Variants in RFTN1 observed in about 807,000 individuals in gnomAD.
RFTN1 encodes raftlin.
In RFTN1, 26 loss-of-function variants were observed where a neutral mutation model predicts 46.5. The observed-to-expected ratio is 0.56, with a 90% CI of 0.41 to 0.78. RFTN1 has a LOEUF of 0.78. RFTN1 is among the 30% of genes least tolerant of loss of function. The pLI is 0.00. For missense variants in RFTN1, 693 were observed against 718.7 expected (o/e 0.96, Z 0.41); for synonymous variants, 261 against 284.2 (o/e 0.92, Z 0.82).
intron 7 of RFTN1, chr3:16,349,159 T>A (rs747621526): frequency 1.3e-5 from 2 of 152,236 alleles, no homozygotes; most frequent in Admixed American, 6.5e-5. Context: ...AGCTTTTCTC[T>A]GTGACGTTCC....
At chr3:16,390,320 C>G (rs2074315157) in intron 4 of RFTN1, among the ~76,000 whole-genome samples, 1 of 152,174 alleles carries the variant, frequency 6.6e-6, no homozygotes, top group Non-Finnish European at 1.5e-5. Context: ...GTTAGCAGCA[C>G]ACTCAAATAT....
chr3:16,364,884 C>G (rs11709091), intron 6 of RFTN1, among the ~76,000 whole-genome samples: 6,392 of 152,026 alleles, frequency 0.042, 442 homozygotes, highest in African/African-American at 0.15. Context: ...ATAGAAACAG[C>G]GTGGGGCACG....
rs77649264 is a variant in RFTN1 at position 16,329,415 on chromosome 3, A to G, written c.1147-2539T>C. ...GGAGGGAAGGGAGGAAAGGAGAGAG[A>G]GGTACAAGAATAATCCGTTTACAGG... On this transcript the variant is annotated intron_variant, in intron 7 of 9. Coordinates refer to ENST00000334133, the MANE Select transcript of RFTN1 (RefSeq NM_015150.2). This position sits in a 1 kb window ranked among gnomAD's most constrained non-coding sequence, Gnocchi z 4.5. Among the ~76,000 whole-genome samples, 517 of 152,302 alleles carry G rather than the reference A, an allele frequency of 3.4e-3. 4 individuals are homozygous for G. Among genetic ancestry groups the G allele is most frequent in the African/African-American group, 0.012 (497 of 41,564 alleles).
At position 16,351,880 on chromosome 3, in the gene RFTN1, A is replaced by G. The variant is rs914630561; in HGVS notation, c.1146+6052T>C. Reference sequence around the variant, plus strand: ...GTTGGGTGAGGGGACTAGAAAGACTAGAAAAAAAAATCATGAAAACATGGA... The same window carrying G: ...GTTGGGTGAGGGGACTAGAAAGACTGGAAAAAAAAATCATGAAAACATGGA... On this transcript the variant is annotated intron_variant, in intron 7 of 9. Transcript: ENST00000334133. This position sits in a 1 kb window ranked among gnomAD's most constrained non-coding sequence, Gnocchi z 5.4. 1.3e-5 allele frequency among the ~76,000 whole-genome samples: 2 copies of G among 151,380 alleles called. No homozygotes were observed. Among genetic ancestry groups the G allele is most frequent in the South Asian group, 2.1e-4 (1 of 4,824 alleles).
At position 16,400,177 on chromosome 3, in the gene RFTN1, TCCAGCCTCACTCC is replaced by T. The variant is rs1156412510; in HGVS notation, c.441+9185_441+9197del. Reference sequence around the variant, plus strand: ...GGCTGTATGGGGACCCGACTCACTCTCCAGCCTCACTCCACCTCACTCACCCCTCTGTCATTTG... The same window carrying T: ...GGCTGTATGGGGACCCGACTCACTCTACCTCACTCACCCCTCTGTCATTTG... On this transcript the variant is annotated intron_variant, in intron 4 of 9. Coordinates refer to ENST00000334133, the MANE Select transcript of RFTN1 (RefSeq NM_015150.2). This position sits in a 1 kb window ranked among gnomAD's most constrained non-coding sequence, Gnocchi z 4.5. Among the ~76,000 whole-genome samples the T allele has an allele frequency of 1.3e-5, 2 of 152,138 alleles. No homozygotes were observed. The highest frequency in any genetic ancestry group is 2.9e-5 in the Non-Finnish European group (2 of 68,014).
chr3:16,461,518 A>T (rs2076007936), intron 2 of RFTN1, among the ~76,000 whole-genome samples: 1 of 152,214 alleles, frequency 6.6e-6, no homozygotes, highest in Non-Finnish European at 1.5e-5. Flanking sequence ...AATTGAACAC[A>T]CTATCACACT....
chr3:16,430,764 A>C, intron 3 of RFTN1, among the ~76,000 whole-genome samples: 1 of 152,206 alleles, frequency 6.6e-6, no homozygotes, highest in Non-Finnish European at 1.5e-5. Flanking sequence ...TCAGGCAGGC[A>C]GTTCAGGAAC....
chr3:16,362,810 G>A (rs770162487), intron 6 of RFTN1, among the ~76,000 whole-genome samples: 3 of 152,166 alleles, frequency 2.0e-5, no homozygotes, highest in Admixed American at 6.5e-5. Context: ...CCCATGGCGA[G>A]CATGGCAGAG....
chr3:16,459,326 A>G lies in RFTN1; in HGVS notation c.146-25289T>C, dbSNP rs1240746665. ...AACAGACACCTAAACTCTTACATGAAGAGTTATGTGCCCTAGTAGAAAACT... is the reference window on the plus strand; with the variant it reads ...AACAGACACCTAAACTCTTACATGAGGAGTTATGTGCCCTAGTAGAAAACT... On this transcript the variant is annotated intron_variant, in intron 2 of 9. Transcript: ENST00000334133. This position sits in a 1 kb window ranked among gnomAD's most constrained non-coding sequence, Gnocchi z 4.2. 6.6e-6 allele frequency among the ~76,000 whole-genome samples: 1 copy of G among 152,236 alleles called. No individual in the cohort carries two copies. The highest frequency in any genetic ancestry group is 1.5e-5 in the Non-Finnish European group (1 of 68,048).
At chr3:16,331,361 T>C (rs1290017836) in intron 7 of RFTN1, among the ~76,000 whole-genome samples, 1 of 152,264 alleles carries the variant, frequency 6.6e-6, no homozygotes, top group African/African-American at 2.4e-5. Flanking sequence ...ACATTTCTTA[T>C]TTCCTTTTTC....
At position 16,442,973 on chromosome 3, in the gene RFTN1, A is replaced by G. The variant is rs1434702921; in HGVS notation, c.146-8936T>C. ...ATATATACCATAGTTTATTTATCCA[A>G]TCATCTATTGATGGACATGTAGGTT... On this transcript the variant is annotated intron_variant, in intron 2 of 9. Transcript: ENST00000334133. This position sits in a 1 kb window ranked among gnomAD's most constrained non-coding sequence, Gnocchi z 4.1. 6.6e-6 allele frequency among the ~76,000 whole-genome samples: 1 copy of G among 152,200 alleles called. No homozygotes were observed. The highest frequency in any genetic ancestry group is 1.5e-5 in the Non-Finnish European group (1 of 68,038).
At position 16,387,606 on chromosome 3, in the gene RFTN1, C is replaced by CTCTT. The variant is rs2074229970; in HGVS notation, c.442-9505_442-9504insAAGA. Among the ~76,000 whole-genome samples, 1 of 132,970 alleles carries CTCTT rather than the reference C, an allele frequency of 7.5e-6. No individual in the cohort carries two copies. The highest frequency in any genetic ancestry group is 1.6e-5 in the Non-Finnish European group (1 of 62,504). The allele number at this position is 132,970 out of a possible 152,430, so 87.2% of individuals were successfully genotyped here. A position where few individuals can be genotyped will look rare whatever the true frequency, so the allele number is the denominator to read the frequency against. ...TCTCTCTCTCTCTCTCTCTCTCTCT[C>CTCTT]TCTCTACTGGCTCCTTCCACTCAGC... On this transcript the variant is annotated intron_variant, in intron 4 of 9. Coordinates refer to ENST00000334133, the MANE Select transcript of RFTN1 (RefSeq NM_015150.2). This position sits in a 1 kb window ranked among gnomAD's most constrained non-coding sequence, Gnocchi z 5.2.
rs2075291332 is a variant in RFTN1 at position 16,426,405 on chromosome 3, A to T, written c.332+7446T>A. On this transcript the variant is annotated intron_variant, in intron 3 of 9. Transcript: ENST00000334133. The surrounding 1 kb of genome is among the most constrained non-coding windows in gnomAD (Gnocchi z 5.9). ...ACTTTCGACTGTAATTTTTTAAAGG[A>T]TTTTCTTTTTAGTTTCAGTATAATT... Among the ~76,000 whole-genome samples, 1 of 151,944 alleles carries T rather than the reference A, an allele frequency of 6.6e-6. No individual in the cohort carries two copies. Among genetic ancestry groups the T allele is most frequent in the South Asian group, 2.1e-4 (1 of 4,818 alleles).
chr3:16,357,891 TG>T, intron 7 of RFTN1, 40 bp downstream of exon 7: 2 of 1,224,106 alleles, frequency 1.6e-6, no homozygotes, highest in Non-Finnish European at 2.4e-6. Context: ...AAACAAGTGC[TG>T]TCTAAACAAA....
chr3:16,316,749 A>G lies in RFTN1; in HGVS notation c.*79T>C, dbSNP rs189954009. The G allele has an allele frequency of 1.7e-4, 267 of 1,566,250 alleles. No individual in the cohort carries two copies. The East Asian group carries it at 5.8e-3, about 34-fold the overall frequency. ...GGTAGGTAACACACAACACCAGGGA[A>G]ACCAGCCCCCAAACCAGCTGTTGGT... On this transcript the variant is annotated 3_prime_UTR_variant, in exon 10 of 10. Transcript: ENST00000334133. This position sits in a 1 kb window ranked among gnomAD's most constrained non-coding sequence, Gnocchi z 4.5.
Position 16,426,807 on chromosome 3 carries a change from G to A in RFTN1, c.332+7044C>T, listed in dbSNP as rs777049838. On this transcript the variant is annotated intron_variant, in intron 3 of 9. Coordinates refer to ENST00000334133, the MANE Select transcript of RFTN1 (RefSeq NM_015150.2). This position sits in a 1 kb window ranked among gnomAD's most constrained non-coding sequence, Gnocchi z 5.9. The stretch of plus-strand genomic sequence containing the variant: ...AGATCTATCTCATAATGAATTTATG[G>A]TCCTTTAGTAAAAGATTGTAGCAAA... 3.3e-5 allele frequency among the ~76,000 whole-genome samples: 5 copies of A among 151,974 alleles called. No homozygotes were observed. Among genetic ancestry groups the A allele is most frequent in the Non-Finnish European group, 5.9e-5 (4 of 68,008 alleles).
chr3:16,485,860 G>A (rs2124978571), intron 2 of RFTN1, among the ~76,000 whole-genome samples: 1 of 152,358 alleles, frequency 6.6e-6, no homozygotes, highest in African/African-American at 2.4e-5. Flanking sequence ...TTCATGTGCG[G>A]TGGATAAGCT....
At chr3:16,379,223 T>C (rs1201443405) in intron 4 of RFTN1, among the ~76,000 whole-genome samples, 3 of 152,236 alleles carry the variant, frequency 2.0e-5, no homozygotes, top group African/African-American at 7.2e-5. Context: ...GAAGCTGCCC[T>C]GACAGCTCTC....
At chr3:16,417,445 GGA>G in intron 3 of RFTN1, among the ~76,000 whole-genome samples, 1 of 152,268 alleles carries the variant, frequency 6.6e-6, no homozygotes, top group Middle Eastern at 3.4e-3. Context: ...AAGTAGATTT[GGA>G]CACTGAGCAC....
Sources: gnomAD v4.1 joint callset for allele counts (sites outside exome capture counted in the v4.1 genomes callset) on GRCh38, gnomAD v4.1.1 for gene constraint, Gnocchi (gnomAD v3.1) non-coding constraint, MANE v1.5 for transcripts, NCBI Gene and HGNC (gene_info 2026-07-23, HGNC 2026-07-21) for gene names.